PCDHA5: variants seen among roughly 807,000 people sequenced by gnomAD.
PCDHA5 encodes the protein protocadherin alpha 5, also known as protocadherin alpha-5.
PCDHA5 carries 43 observed loss-of-function variants against 61.6 expected under a neutral mutation model. The observed-to-expected ratio is 0.70, with a 90% confidence interval of 0.55 to 0.90. PCDHA5 has a LOEUF of 0.90. Among genes scored for constraint, PCDHA5 ranks in the 40% least tolerant of loss-of-function variants. The probability of loss-of-function intolerance (pLI) is 0.00; values close to 1 mark genes in which losing one functional copy is unlikely to be tolerated. For synonymous variants in PCDHA5, 627 were observed against 543.9 expected, an observed-to-expected ratio of 1.15 and a Z score of -2.13; for missense variants, 1,298 against 1,222.7, an observed-to-expected ratio of 1.06 and a Z score of -0.92.
chr5:140,887,781 T>C (rs2061576427), intron 1 of PCDHA5, among the ~76,000 whole-genome samples: 2 of 152,338 alleles, frequency 1.3e-5, no homozygotes, highest in African/African-American at 4.8e-5. Flanking sequence ...ACACAGGTCA[T>C]TGAAGCGTTC....
rs562257406 is a variant in PCDHA5 at position 140,883,263 on chromosome 5, G to A, written c.2352+59136G>A. 5.0e-6 allele frequency: 8 copies of A among 1,613,870 alleles called. No individual in the cohort carries two copies. The Admixed American group carries it at 6.7e-5, about 13-fold the overall frequency. ...GACAAAGGAAATATTCCAATGGCGG[G>A]TCATTGTACCCTTTTGGTGGAAGTA... On this transcript the variant is annotated intron_variant, in intron 1 of 3. Transcript: ENST00000529859.
intron 1 of PCDHA5, among the ~76,000 whole-genome samples, chr5:140,953,801 T>C (rs2094937379): frequency 6.6e-6 from 1 of 152,204 alleles, no homozygotes; most frequent in Non-Finnish European, 1.5e-5. Flanking sequence ...ACTTTTAAGT[T>C]CTGAGGTGCA....
chr5:140,849,548 T>C, intron 1 of PCDHA5: 1 of 1,598,372 alleles, frequency 6.3e-7, no homozygotes, highest in Non-Finnish European at 8.6e-7. Flanking sequence ...CACAGTTGAC[T>C]ATCAAAACGC....
chr5:140,972,505 T>C (rs2096539361), intron 1 of PCDHA5, among the ~76,000 whole-genome samples: 1 of 152,100 alleles, frequency 6.6e-6, no homozygotes, highest in African/African-American at 2.4e-5. Flanking sequence ...GTTGGTAGAT[T>C]TTACCCCCAG....
At position 140,929,318 on chromosome 5, in the gene PCDHA5, A is replaced by G. The variant is rs78197291; in HGVS notation, c.2353-49631A>G. The G allele has an allele frequency of 3.9e-4, 606 of 1,545,240 alleles. 3 individuals carry two copies. The African/African-American group carries it at 7.7e-3, about 20-fold the overall frequency. ...AGGAAAGGGGATCACGCTAATGTCA[A>G]TGCCATGGTAAGCAAATTTTATGGA... On this transcript the variant is annotated intron_variant, in intron 1 of 3. Coordinates refer to ENST00000529859, the MANE Select transcript of PCDHA5 (RefSeq NM_018908.3).
intron 1 of PCDHA5, chr5:140,856,575 A>G (rs2150361259): frequency 6.3e-7 from 1 of 1,597,272 alleles, no homozygotes; most frequent in African/African-American, 1.3e-5. Flanking sequence ...CCAAATGAGT[A>G]TTTTGTTCTT....
At chr5:140,911,968 T>A (rs1554195054) in intron 1 of PCDHA5, among the ~76,000 whole-genome samples, 2 of 152,138 alleles carry the variant, frequency 1.3e-5, no homozygotes, top group East Asian at 3.9e-4. Flanking sequence ...TAAGGAGTAT[T>A]AACTCACATG....
chr5:140,836,814 A>G (rs1264836284), intron 1 of PCDHA5: 2 of 1,218,204 alleles, frequency 1.6e-6, no homozygotes, highest in African/African-American at 1.5e-5. Flanking sequence ...TTTCTTTCAT[A>G]ATTTCTTTTT....
chr5:140,829,595 C>G (rs147522996), intron 1 of PCDHA5: 3 of 1,611,886 alleles, frequency 1.9e-6, no homozygotes, highest in Non-Finnish European at 2.5e-6. Flanking sequence ...GGTGGGCGAG[C>G]GCGCGTTGTC....
At chr5:140,970,243 T>C (rs1554232347) in intron 1 of PCDHA5, among the ~76,000 whole-genome samples, 1 of 152,252 alleles carries the variant, frequency 6.6e-6, no homozygotes, top group Non-Finnish European at 1.5e-5. Flanking sequence ...TGATTTTCTG[T>C]TGACAGTTTC....
At chr5:140,893,391 G>T (rs1481818388) in intron 1 of PCDHA5, among the ~76,000 whole-genome samples, 1 of 152,158 alleles carries the variant, frequency 6.6e-6, no homozygotes, top group Non-Finnish European at 1.5e-5. Context: ...AGTGGCTCAT[G>T]CCTGTAATCC....
Position 140,841,359 on chromosome 5 carries a change from G to T in PCDHA5, c.2352+17232G>T, listed in dbSNP as rs2150314214. 1.2e-5 allele frequency: 20 copies of T among 1,613,174 alleles called. No homozygotes were observed. Among genetic ancestry groups the T allele is most frequent in the Non-Finnish European group, 1.6e-5 (19 of 1,179,474 alleles). On this transcript the variant is annotated intron_variant, in intron 1 of 3. Transcript: ENST00000529859. Reference sequence around the variant, plus strand: ...TGGCGAGGAGAGCTGGGATCCTGGCGACTACTACTCTTGCTTCTGCTCCTC... The same window carrying T: ...TGGCGAGGAGAGCTGGGATCCTGGCTACTACTACTCTTGCTTCTGCTCCTC...
At chr5:140,925,114 G>T (rs1341892158) in intron 1 of PCDHA5, among the ~76,000 whole-genome samples, 2 of 151,122 alleles carry the variant, frequency 1.3e-5, no homozygotes, top group East Asian at 3.9e-4. Context: ...AGGAGGGAAG[G>T]AAGGAAGGAA....
intron 1 of PCDHA5, among the ~76,000 whole-genome samples, chr5:140,839,019 G>T (rs1394721397): frequency 3.9e-5 from 6 of 151,970 alleles, no homozygotes; most frequent in Non-Finnish European, 8.8e-5. Context: ...AATTATTTTA[G>T]GATATGTTAC....
intron 1 of PCDHA5, among the ~76,000 whole-genome samples, chr5:140,918,972 A>G (rs782748846): frequency 6.6e-5 from 10 of 152,184 alleles, no homozygotes; most frequent in Non-Finnish European, 1.3e-4. Flanking sequence ...GATATCGTTT[A>G]GGTTAGTTGG....
intron 1 of PCDHA5, among the ~76,000 whole-genome samples, chr5:140,903,353 G>C (rs782739410): frequency 6.6e-5 from 10 of 152,156 alleles, no homozygotes; most frequent in Non-Finnish European, 1.3e-4. Context: ...TAAAAAACAA[G>C]TTTTTCAAAA....
chr5:140,830,014 C>T (rs2150179616), intron 1 of PCDHA5: 3 of 1,613,898 alleles, frequency 1.9e-6, no homozygotes, highest in Non-Finnish European at 2.5e-6. Flanking sequence ...ACGAAGCGGA[C>T]TCTCCGCGCC....
rs1282110712 is a variant in PCDHA5, at chr5:140,926,177, A to G, written c.2353-52772A>G. Among the ~76,000 whole-genome samples the G allele has an allele frequency of 2.0e-5, 3 of 151,672 alleles. No individual in the cohort carries two copies. The South Asian group carries it at 6.6e-4, about 34-fold the overall frequency. On this transcript the variant is annotated intron_variant, in intron 1 of 3. Coordinates refer to ENST00000529859, the MANE Select transcript of PCDHA5 (RefSeq NM_018908.3). ...CTCTGCAGCAGGATCCAGCGCGGAA[A>G]GCCCCCCGCAGCACTTCTTTCGGGG...
At chr5:140,828,560 G>T in intron 1 of PCDHA5, 1 of 1,614,210 alleles carries the variant, frequency 6.2e-7, no homozygotes, top group Non-Finnish European at 8.5e-7. Context: ...ACTGGAGGGC[G>T]CGTCCGATGC....
Sources: gnomAD v4.1 joint callset for allele counts (sites outside exome capture counted in the v4.1 genomes callset) on GRCh38, gnomAD v4.1.1 for gene constraint, MANE v1.5 for transcripts, NCBI Gene and HGNC (gene_info 2026-07-23, HGNC 2026-07-21) for gene names.